NUDT16L1: variants seen among roughly 807,000 people sequenced by gnomAD.
NUDT16L1 encodes nudix hydrolase 16 like 1, also known as tudor-interacting repair regulator protein.
NUDT16L1 carries 19 observed loss-of-function variants against 17.3 expected under a neutral mutation model. That is an observed-to-expected ratio of 1.10 (90% CI 0.77 to 1.61). The LOEUF is 1.61. NUDT16L1 is among the 40% of genes most tolerant of loss of function. The pLI is 0.00. For missense variants in NUDT16L1, 341 were observed against 292.0 expected (o/e 1.17, Z -1.22); for synonymous variants, 255 against 138.6 (o/e 1.84, Z -5.90).
At position 4,694,175 on chromosome 16, in the gene NUDT16L1, G is replaced by A. The variant is rs2079483316; in HGVS notation, c.351G>A (p.Leu117=). ...TGGCGCACCTGTACGCGCGGCAGCT[G>A]ACGCTGGAGCAGCTGCACGCCGTGG... Residue 117 remains leucine (L), a synonymous_variant, in exon 2 of 3, where the codon CTG becomes CTA. Coordinates refer to ENST00000304301, the Ensembl canonical transcript of NUDT16L1. The A allele has an allele frequency of 3.2e-6, 5 of 1,580,588 alleles. No homozygotes were observed. In the East Asian group the frequency reaches 9.4e-5, roughly 30 times the overall value.
upstream of NUDT16L1, chr16:4,693,675 G>C: frequency 7.2e-7 from 1 of 1,380,520 alleles, no homozygotes. Context: ...CGGCGGGGGC[G>C]GGCTCGCGCA....
chr16:4,695,802 G>A (rs1014588517), exon 3 of NUDT16L1: 10 of 388,452 alleles, frequency 2.6e-5, no homozygotes, highest in Admixed American at 1.3e-4. Context: ...TATGTACAAC[G>A]AAGCTGTCGA....
At chr16:4,693,566 A>T (rs943493398), upstream of NUDT16L1, 3 of 760,100 alleles carry the variant, frequency 3.9e-6, no homozygotes, top group Non-Finnish European at 5.4e-6. Flanking sequence ...CCTCTCGACG[A>T]CGCACCGCGG....
rs960741534 is a variant in NUDT16L1 at position 4,694,734 on chromosome 16, G to C, written c.415-224G>C. 130 of 1,424,540 alleles carry C rather than the reference G, an allele frequency of 9.1e-5. 1 individual carries two copies. Among genetic ancestry groups the C allele is most frequent in the Middle Eastern group, 4.9e-4 (2 of 4,058 alleles). The allele number at this position is 1,424,540 out of a possible 1,614,324, so 88.2% of individuals were successfully genotyped here. A position where few individuals can be genotyped will look rare whatever the true frequency, so the allele number is the denominator to read the frequency against. On this transcript the variant is annotated intron_variant, in intron 2 of 2. Transcript: ENST00000304301. Reference sequence around the variant, plus strand: ...CGGGGTGGGGTGGCCTGGGTACGAGGGGGGGGAGTGCATGGGGTCAGCCTC... The same window carrying C: ...CGGGGTGGGGTGGCCTGGGTACGAGCGGGGGGAGTGCATGGGGTCAGCCTC...
At chr16:4,695,306 C>T (rs1174650012) in exon 3 of NUDT16L1, 9 of 929,058 alleles carry the variant, frequency 9.7e-6, no homozygotes, top group Non-Finnish European at 1.4e-5. Context: ...ATCCTGTCAT[C>T]ATCTCCACTG....
rs1260390286 is a variant in NUDT16L1 at position 4,695,849 on chromosome 16, T to C, written c.*670T>C. The C allele has an allele frequency of 9.2e-6, 3 of 327,732 alleles. No homozygotes were observed. The highest frequency in any genetic ancestry group is 6.4e-5 in the African/African-American group (3 of 46,786). The allele number at this position is 327,732 out of a possible 1,614,324, so 20.3% of individuals were successfully genotyped here. A position where few individuals can be genotyped will look rare whatever the true frequency, so the allele number is the denominator to read the frequency against. On this transcript the variant is annotated 3_prime_UTR_variant, in exon 3 of 3. Coordinates refer to ENST00000304301, the Ensembl canonical transcript of NUDT16L1. Reference sequence around the variant, plus strand: ...ATAAAGTCGCTCCGCAGCTGCTCTGTGTGTTTCTCAGCTGCCCTGTGTGTT... The same window carrying C: ...ATAAAGTCGCTCCGCAGCTGCTCTGCGTGTTTCTCAGCTGCCCTGTGTGTT...
exon 1 of NUDT16L1, chr16:4,693,718 A>T: frequency 6.7e-7 from 1 of 1,502,012 alleles, no homozygotes; most frequent in South Asian, 1.3e-5. Context: ...GGACGGGGTC[A>T]GTGCCAAGAT....
exon 3 of NUDT16L1, chr16:4,695,590 G>A (rs2079524197): frequency 6.8e-6 from 3 of 438,748 alleles, no homozygotes; most frequent in Non-Finnish European, 4.0e-6. Flanking sequence ...GCTCATTCCT[G>A]CCTCCTTCCT....
At chr16:4,694,370 G>C (rs1403342222) in intron 2 of NUDT16L1, 132 bp downstream of exon 2, 4 of 1,484,138 alleles carry the variant, frequency 2.7e-6, no homozygotes, top group Non-Finnish European at 3.6e-6. Context: ...CTCCAGCAAT[G>C]GGGTGGGGAG....
At chr16:4,694,148 C>T (rs778209686) in exon 2 of NUDT16L1, 79 of 1,587,440 alleles carry the variant, frequency 5.0e-5, no homozygotes, top group East Asian at 3.9e-4. Context: ...CACACCGCGT[C>T]GTGGCGCACC....
exon 2 of NUDT16L1, chr16:4,694,044 C>T (rs753784834): frequency 6.3e-7 from 1 of 1,585,650 alleles, no homozygotes; most frequent in Non-Finnish European, 8.5e-7. Flanking sequence ...CTTCTGGTCG[C>T]TGGAGGACGG....
exon 1 of NUDT16L1, chr16:4,693,843 G>C: frequency 1.3e-6 from 2 of 1,560,826 alleles, no homozygotes; most frequent in Non-Finnish European, 1.7e-6. Context: ...ACCCTGGGCA[G>C]CTCTTCGGCC....
exon 3 of NUDT16L1, chr16:4,695,210 G>C: frequency 6.2e-7 from 1 of 1,600,320 alleles, no homozygotes; most frequent in East Asian, 2.2e-5. Context: ...ACCCTCCCCT[G>C]GGCCGGAAGA....
chr16:4,695,040 T>C, exon 3 of NUDT16L1: 3 of 1,613,402 alleles, frequency 1.9e-6, no homozygotes, highest in Non-Finnish European at 1.7e-6. Context: ...AACGCCTTCG[T>C]GAGCACGGCT....
At chr16:4,694,355 G>A (rs1421591866) in intron 2 of NUDT16L1, 117 bp downstream of exon 2, 4 of 1,478,554 alleles carry the variant, frequency 2.7e-6, no homozygotes, top group Non-Finnish European at 9.0e-7. Context: ...GTCGGGTGTC[G>A]CTGTCTCCAG....
intron 2 of NUDT16L1, 156 bp downstream of exon 2, chr16:4,694,394 T>C (rs1261252208): frequency 1.9e-5 from 13 of 699,964 alleles, no homozygotes; most frequent in Non-Finnish European, 2.3e-5. Flanking sequence ...GGTCTGGGGC[T>C]GGGAGGCCGG....
intron 2 of NUDT16L1, 94 bp downstream of exon 2, chr16:4,694,332 C>T (rs961096988): frequency 2.3e-6 from 3 of 1,291,696 alleles, no homozygotes; most frequent in Non-Finnish European, 2.0e-6. Context: ...TGAGGGTCCC[C>T]TGGCCGGGCT....
intron 2 of NUDT16L1, 95 bp from the exon 3 acceptor site, chr16:4,694,863 G>C: frequency 4.0e-6 from 6 of 1,492,516 alleles, no homozygotes; most frequent in Non-Finnish European, 5.3e-6. Context: ...AAAGCTGGCT[G>C]CTCATACCCT....
chr16:4,695,205 C>A, exon 3 of NUDT16L1: 4 of 1,604,230 alleles, frequency 2.5e-6, no homozygotes, highest in Non-Finnish European at 3.4e-6. Context: ...GTGGCACCCT[C>A]CCCTGGGCCG....
Sources: allele counts gnomAD v4.1 joint callset, GRCh38; gene constraint gnomAD v4.1.1; transcripts MANE v1.5; gene names NCBI Gene and HGNC (gene_info 2026-07-23, HGNC 2026-07-21).